Variants in SIPA1L1 observed in about 807,000 individuals in gnomAD.
SIPA1L1 encodes signal-induced proliferation-associated 1-like protein 1.
SIPA1L1 carries 26 observed loss-of-function variants against 162.7 expected under a neutral mutation model. The observed-to-expected ratio is 0.16, with a 90% CI of 0.12 to 0.22. The LOEUF is 0.22. Among genes scored for constraint, SIPA1L1 ranks in the 10% least tolerant of loss-of-function variants. The probability of loss-of-function intolerance (pLI) is 1.00; values close to 1 mark genes in which losing one functional copy is unlikely to be tolerated. For missense variants in SIPA1L1, 1,874 were observed against 2,241.0 expected (o/e 0.84, Z 3.31); for synonymous variants, 829 against 837.4 (o/e 0.99, Z 0.17).
At position 71,671,544 on chromosome 14, in the gene SIPA1L1, G is replaced by A. The variant is rs776394954; in HGVS notation, c.2681G>A (p.Ser894Asn). Residue 894 changes from serine to asparagine, a missense_variant, in exon 11 of 24, where the codon AGC (serine) becomes AAC (asparagine). Physicochemically the swap from Ser to Asn is conservative, Grantham distance 46. Transcript: ENST00000381232. ...FIVLIEQETK[S>N]VVFNCSCRDV... ...GTGCTCATTGAACAGGAAACAAAGA[G>A]CGTGGTCTTCAATTGTTCCTGTAGA... 2 of 1,614,208 alleles carry A rather than the reference G, an allele frequency of 1.2e-6. No homozygotes were observed. Among genetic ancestry groups the A allele is most frequent in the African/African-American group, 1.3e-5 (1 of 75,048 alleles).
chr14:71,619,125 A>G (rs1007437317), intron 6 of SIPA1L1, among the ~76,000 whole-genome samples: 1 of 152,100 alleles, frequency 6.6e-6, no homozygotes, highest in African/African-American at 2.4e-5. Context: ...TTTGATTCAG[A>G]GAAAGATATG....
Position 71,339,616 on chromosome 14 carries a change from A to AG in SIPA1L1, c.-465+18436dup, listed in dbSNP as rs1272370741. On this transcript the variant is annotated intron_variant, in intron 2 of 23. Coordinates refer to ENST00000381232, the MANE Select transcript of SIPA1L1 (RefSeq NM_001386936.1). ...GGACCTCAGGTAATCCGCCTGCCTC[A>AG]GCCTGTAAAAGTGCTGGGATTATAG... Among the ~76,000 whole-genome samples the AG allele has an allele frequency of 1.5e-4, 23 of 152,196 alleles. No individual in the cohort carries two copies. The East Asian group carries it at 4.3e-3, about 28-fold the overall frequency.
At chr14:71,689,559 A>G (rs2081107085) in intron 13 of SIPA1L1, among the ~76,000 whole-genome samples, 1 of 152,214 alleles carries the variant, frequency 6.6e-6, no homozygotes, top group East Asian at 1.9e-4. Flanking sequence ...TAAAACCCTG[A>G]TCTGTGTTAA....
At chr14:71,647,223 C>G (rs1232487949) in intron 7 of SIPA1L1, among the ~76,000 whole-genome samples, 1 of 152,034 alleles carries the variant, frequency 6.6e-6, no homozygotes, top group Non-Finnish European at 1.5e-5. Flanking sequence ...TCCTAATCCT[C>G]TTAAAGGATC....
chr14:71,377,176 T>A lies in SIPA1L1; in HGVS notation c.-465+55995T>A, dbSNP rs577665844. On this transcript the variant is annotated intron_variant, in intron 2 of 23. Coordinates refer to ENST00000381232, the MANE Select transcript of SIPA1L1 (RefSeq NM_001386936.1). This position sits in a 1 kb window ranked among gnomAD's most constrained non-coding sequence, Gnocchi z 4.8. The stretch of plus-strand genomic sequence containing the variant: ...GCAGAGGCAGCCCCCACCTCCCAGA[T>A]GGGGCGGCGGCCGGGTGGGGGCGCC... Among the ~76,000 whole-genome samples the A allele has an allele frequency of 2.9e-5, 4 of 135,860 alleles. No homozygotes were observed. The highest frequency in any genetic ancestry group is 6.4e-5 in the Non-Finnish European group (4 of 62,656). The allele number at this position is 135,860 out of a possible 152,430, so 89.1% of individuals were successfully genotyped here.
At chr14:71,490,182 A>T (rs2049126471) in intron 2 of SIPA1L1, among the ~76,000 whole-genome samples, 1 of 152,226 alleles carries the variant, frequency 6.6e-6, no homozygotes. Flanking sequence ...AGTGGTAATA[A>T]GTTATTTTGA....
chr14:71,385,686 C>CTTTTTTTTTTTTTTTTTTTTTTTTATATT, intron 2 of SIPA1L1, among the ~76,000 whole-genome samples: 1 of 112,414 alleles, frequency 8.9e-6, no homozygotes, highest in Non-Finnish European at 1.8e-5. Flanking sequence ...TTTGTACATT[C>CTTTTTTTTTTTTTTTTTTTTTTTTATATT]TTTTTTTTTT....
intron 4 of SIPA1L1, among the ~76,000 whole-genome samples, chr14:71,557,327 G>A (rs1018397104): frequency 2.6e-5 from 4 of 152,082 alleles, no homozygotes; most frequent in African/African-American, 7.2e-5. Flanking sequence ...TTTTGCTCAT[G>A]GAAAATGTTT....
intron 2 of SIPA1L1, among the ~76,000 whole-genome samples, chr14:71,397,734 G>A (rs1566971804): frequency 6.6e-6 from 1 of 152,066 alleles, no homozygotes; most frequent in Non-Finnish European, 1.5e-5. Context: ...TATTTTCTCT[G>A]CAGTTTGGTT....
chr14:71,443,497 A>G (rs967636143), intron 2 of SIPA1L1, among the ~76,000 whole-genome samples: 3 of 152,166 alleles, frequency 2.0e-5, no homozygotes, highest in Non-Finnish European at 4.4e-5. Context: ...TTGGTTTTCA[A>G]ATGGAAGCCA....
At chr14:71,509,859 G>A (rs1029301115) in intron 2 of SIPA1L1, among the ~76,000 whole-genome samples, 1 of 152,134 alleles carries the variant, frequency 6.6e-6, no homozygotes, top group Admixed American at 6.5e-5. Flanking sequence ...AAGGGTTAAA[G>A]CAGAAGAGAC....
In SIPA1L1 at chr14:71,391,103, C is replaced by CTTT. The variant is rs36003254; in HGVS notation, c.-465+69941_-465+69943dup. Among the ~76,000 whole-genome samples the CTTT allele has an allele frequency of 4.1e-3, 446 of 108,372 alleles. 11 individuals carry two copies. Among genetic ancestry groups the CTTT allele is most frequent in the Middle Eastern group, 0.024 (4 of 166 alleles). The allele number at this position is 108,372 out of a possible 152,430, so 71.1% of individuals were successfully genotyped here. On this transcript the variant is annotated intron_variant, in intron 2 of 23. Coordinates refer to ENST00000381232, the MANE Select transcript of SIPA1L1 (RefSeq NM_001386936.1). Reference sequence around the variant, plus strand: ...TTAGTTTTGTGCCTGTATTCAGTATCTTTTTTTTTTTTTTTTTTTTTGAGA... The same window carrying CTTT: ...TTAGTTTTGTGCCTGTATTCAGTATCTTTTTTTTTTTTTTTTTTTTTTTTGAGA...
At chr14:71,644,143 GAATCTGAAATCATGAGTT>G (rs1444834402) in intron 7 of SIPA1L1, among the ~76,000 whole-genome samples, 4 of 151,928 alleles carry the variant, frequency 2.6e-5, no homozygotes, top group Non-Finnish European at 4.4e-5. Flanking sequence ...TAGCTATGTG[GAATCTGAAATCATGAGTT>G]AATCTGAAAT....
At position 71,709,523 on chromosome 14, in the gene SIPA1L1, T is replaced by C. The variant is rs1009595582; in HGVS notation, c.4067T>C (p.Leu1356Ser). Residue 1356 changes from leucine (L) to serine (S), a missense_variant, in exon 17 of 24, where the codon TTG (leucine) becomes TCG (serine). By Grantham distance (145) the Leu-to-Ser change is moderately radical. This residue lies in a region of SIPA1L1 where 936 missense variants were observed against 1,051.9 expected (regional missense o/e 0.89). Coordinates refer to ENST00000381232, the MANE Select transcript of SIPA1L1 (RefSeq NM_001386936.1). ...GTAATCTCCATGGCAGATCGGACTT[T>C]GGAGACAGAGAGCCACGGCCTGGAC... is the stretch of plus-strand genomic sequence containing the variant. ...SEVISMADRT[L>S]ETESHGLDRK... 2 of 1,614,196 alleles carry C rather than the reference T, an allele frequency of 1.2e-6. No homozygotes were observed. The highest frequency in any genetic ancestry group is 1.7e-6 in the Non-Finnish European group (2 of 1,180,032).
intron 2 of SIPA1L1, among the ~76,000 whole-genome samples, chr14:71,499,168 G>A (rs1434852073): frequency 1.3e-5 from 2 of 152,120 alleles, no homozygotes; most frequent in Non-Finnish European, 2.9e-5. Flanking sequence ...AACTTGATTA[G>A]TAGATTGTTA....
At chr14:71,535,100 A>G (rs1207375074) in intron 4 of SIPA1L1, among the ~76,000 whole-genome samples, 1 of 152,262 alleles carries the variant, frequency 6.6e-6, no homozygotes, top group African/African-American at 2.4e-5. Context: ...CATTACTAAC[A>G]TAGGCTAATA....
intron 4 of SIPA1L1, among the ~76,000 whole-genome samples, chr14:71,568,790 A>G (rs1431298281): frequency 1.3e-5 from 2 of 152,202 alleles, no homozygotes; most frequent in Non-Finnish European, 2.9e-5. Context: ...ACACAGTACT[A>G]TTATGGGTCC....
intron 17 of SIPA1L1, among the ~76,000 whole-genome samples, chr14:71,711,677 A>G (rs1167281853): frequency 1.3e-5 from 2 of 152,244 alleles, no homozygotes; most frequent in Non-Finnish European, 2.9e-5. Flanking sequence ...CAGGGGATCA[A>G]CAAAGCTCCC....
intron 2 of SIPA1L1, among the ~76,000 whole-genome samples, chr14:71,400,527 C>T (rs764105208): frequency 7.9e-5 from 12 of 151,800 alleles, no homozygotes; most frequent in African/African-American, 2.2e-4. Context: ...GGTGGTCAAG[C>T]GGCACAGATA....
Sources: allele counts gnomAD v4.1 joint callset (sites outside exome capture counted in the v4.1 genomes callset), GRCh38; gene constraint gnomAD v4.1.1; regional missense constraint gnomAD v4.1.1; non-coding constraint Gnocchi (gnomAD v3.1); transcripts MANE v1.5; gene names NCBI Gene and HGNC (gene_info 2026-07-23, HGNC 2026-07-21).